ZMIZ2: variants seen among roughly 807,000 people sequenced by gnomAD.
ZMIZ2 encodes the protein zinc finger MIZ-type containing 2.
A neutral mutation model predicts 93.9 loss-of-function variants in ZMIZ2; 26 were observed. The observed-to-expected ratio is 0.28, with a 90% confidence interval of 0.20 to 0.38. The LOEUF is 0.38. ZMIZ2 is among the 10% of genes least tolerant of loss of function. The probability of loss-of-function intolerance (pLI) is 1.00; values close to 1 mark genes in which losing one functional copy is unlikely to be tolerated. For synonymous variants in ZMIZ2, 485 were observed against 516.4 expected (o/e 0.94, Z 0.82); for missense variants, 1,023 against 1,235.0 (o/e 0.83, Z 2.57).
At chr7:44,762,620 TA>T (rs963469402) in intron 11 of ZMIZ2, among the ~76,000 whole-genome samples, 1 of 152,196 alleles carries the variant, frequency 6.6e-6, no homozygotes, top group Non-Finnish European at 1.5e-5. Context: ...AGGCAATGGT[TA>T]GACCGGCAGG....
Position 44,766,647 on chromosome 7 carries a change from C to T in ZMIZ2, c.2639C>T (p.Pro880Leu). 1 of 1,613,106 alleles carries T rather than the reference C, an allele frequency of 6.2e-7. No homozygotes were observed. Among genetic ancestry groups the T allele is most frequent in the East Asian group, 2.2e-5 (1 of 44,884 alleles). Residue 880 changes from proline to leucine, a missense_variant, in exon 18 of 19, where the codon CCA (proline) becomes CTA (leucine). By Grantham distance (98) the Pro-to-Leu change is moderately conservative. Transcript: ENST00000309315. This position sits in a 1 kb window ranked among gnomAD's most constrained non-coding sequence, Gnocchi z 4.4. ...AGCATGTCTGGAGCCGGGGAGGCCC[C>T]AGAACCAGCTCTGGACGTGAGTACC... ...PPSMSGAGEAPEPALDLLPEL... is the reference protein window; with the variant it reads ...PPSMSGAGEALEPALDLLPEL...
chr7:44,756,214 A>C lies in ZMIZ2; in HGVS notation c.-36A>C. On this transcript the variant is annotated 5_prime_UTR_variant, in exon 2 of 19. Transcript: ENST00000309315. The stretch of plus-strand genomic sequence containing the variant: ...CAGAGCAGCTGAGTTCCAGATAAAA[A>C]CTGTCAGACCCGGCCTGTAGGCTGC... 3.7e-6 allele frequency: 6 copies of C among 1,613,870 alleles called. No homozygotes were observed. The highest frequency in any genetic ancestry group is 5.1e-6 in the Non-Finnish European group (6 of 1,179,964).
chr7:44,764,657 A>G (rs1162623877), intron 14 of ZMIZ2, among the ~76,000 whole-genome samples, 171 bp downstream of exon 14: 1 of 152,230 alleles, frequency 6.6e-6, no homozygotes, highest in Non-Finnish European at 1.5e-5. Flanking sequence ...GGCCTTATGC[A>G]GGGTCATCTC....
chr7:44,764,881 C>T, intron 14 of ZMIZ2, 60 bp from the exon 15 acceptor site: 2 of 1,571,800 alleles, frequency 1.3e-6, no homozygotes, highest in South Asian at 2.2e-5. Flanking sequence ...AATGACAGGG[C>T]CTGTGCCCAG....
intron 1 of ZMIZ2, among the ~76,000 whole-genome samples, chr7:44,755,081 C>T (rs1002956423): frequency 6.6e-5 from 10 of 152,144 alleles, no homozygotes; most frequent in African/African-American, 1.4e-4. Flanking sequence ...TGGTCACTTC[C>T]GTGGCTTATT....
At chr7:44,762,090 T>C (rs1791253920) in intron 11 of ZMIZ2, among the ~76,000 whole-genome samples, 185 bp downstream of exon 11, 1 of 152,124 alleles carries the variant, frequency 6.6e-6, no homozygotes, top group Non-Finnish European at 1.5e-5. Context: ...CCGTCTGCTG[T>C]TTTGCTGTCC....
intron 1 of ZMIZ2, among the ~76,000 whole-genome samples, chr7:44,752,193 G>A (rs918133433): frequency 6.7e-6 from 1 of 149,868 alleles, no homozygotes; most frequent in Non-Finnish European, 1.5e-5. Flanking sequence ...GCAATGGTGC[G>A]ATCGGCTCAC....
At chr7:44,757,759 C>A in intron 5 of ZMIZ2, 89 bp from the exon 6 acceptor site, 1 of 1,474,058 alleles carries the variant, frequency 6.8e-7, no homozygotes, top group Non-Finnish European at 9.0e-7. Context: ...GGTATGGTGC[C>A]CACATGGGTG....
chr7:44,749,528 C>T (rs1316912497), intron 1 of ZMIZ2, among the ~76,000 whole-genome samples: 1 of 152,174 alleles, frequency 6.6e-6, no homozygotes, highest in African/African-American at 2.4e-5. Context: ...GCGGCCAGCC[C>T]CCAGCTGCCA....
intron 5 of ZMIZ2, 61 bp downstream of exon 5, chr7:44,757,622 C>G (rs1790723608): frequency 6.6e-7 from 1 of 1,519,166 alleles, no homozygotes; most frequent in African/African-American, 1.4e-5. Flanking sequence ...GGAGGAGGTA[C>G]TCAGCCAGAC....
chr7:44,753,760 G>A (rs1014787444), intron 1 of ZMIZ2, among the ~76,000 whole-genome samples: 7 of 152,192 alleles, frequency 4.6e-5, no homozygotes, highest in African/African-American at 1.7e-4. Flanking sequence ...AGATCACAAA[G>A]ATTTTCTCCT....
At chr7:44,754,557 G>A (rs1446672030) in intron 1 of ZMIZ2, among the ~76,000 whole-genome samples, 4 of 152,174 alleles carry the variant, frequency 2.6e-5, no homozygotes, top group Admixed American at 2.6e-4. Context: ...TGGGGCCCTG[G>A]GCACACAGCT....
intron 18 of ZMIZ2, 146 bp from the exon 19 acceptor site, chr7:44,767,370 G>C: frequency 1.4e-6 from 1 of 725,438 alleles, no homozygotes; most frequent in Non-Finnish European, 2.3e-6. Flanking sequence ...CTATGGTGGG[G>C]CCCCGCACCC....
Position 44,765,923 on chromosome 7 carries a change from G to T in ZMIZ2, c.2243-241G>T. ...CCTCACACGCGTGGTGCGTTTGTTT[G>T]TGGCTGCTCCCATTCCTATAACCTC... On this transcript the variant is annotated intron_variant, in intron 16 of 18. Transcript: ENST00000309315. This position sits in a 1 kb window ranked among gnomAD's most constrained non-coding sequence, Gnocchi z 4.1. 1.4e-6 allele frequency: 2 copies of T among 1,397,236 alleles called. No individual in the cohort carries two copies. The highest frequency in any genetic ancestry group is 9.3e-7 in the Non-Finnish European group (1 of 1,080,974). 86.6% of individuals were successfully genotyped at this position (1,397,236 alleles called of 1,614,324 possible). A position where few individuals can be genotyped will look rare whatever the true frequency, so the allele number is the denominator to read the frequency against.
At chr7:44,757,733 G>A (rs1790737839) in intron 5 of ZMIZ2, 115 bp from the exon 6 acceptor site, 1 of 1,460,886 alleles carries the variant, frequency 6.8e-7, no homozygotes, top group Non-Finnish European at 9.1e-7. Flanking sequence ...GAGGTTTCTG[G>A]GGTGTCCTGT....
rs1336822758 is a variant in ZMIZ2 at position 44,760,144 on chromosome 7, C to T, written c.994-7C>T. On this transcript the variant is annotated splice_polypyrimidine_tract_variant and splice_region_variant and intron_variant, in intron 7 of 18. Coordinates refer to ENST00000309315, the MANE Select transcript of ZMIZ2 (RefSeq NM_031449.4). ...GCCCCAGGTGCATGCAGTTTTCTCT[C>T]CCGCAGCCCACAGAGCAGTTCAACG... 1.1e-5 allele frequency: 18 copies of T among 1,613,934 alleles called. No individual in the cohort carries two copies. Among genetic ancestry groups the T allele is most frequent in the Non-Finnish European group, 1.5e-5 (18 of 1,179,974 alleles).
intron 18 of ZMIZ2, among the ~76,000 whole-genome samples, chr7:44,767,272 A>G (rs1402738827): frequency 4.6e-5 from 7 of 152,112 alleles, no homozygotes; most frequent in Admixed American, 4.6e-4. Context: ...GTGGTATTGA[A>G]CAGCATGTTG....
Position 44,763,482 on chromosome 7 carries a change from G to A in ZMIZ2, c.1860+69G>A. 1.9e-6 allele frequency: 3 copies of A among 1,585,156 alleles called. No homozygotes were observed. Among genetic ancestry groups the A allele is most frequent in the Non-Finnish European group, 2.6e-6 (3 of 1,162,578 alleles). On this transcript the variant is annotated intron_variant, in intron 13 of 18. Transcript: ENST00000309315. This position sits in a 1 kb window ranked among gnomAD's most constrained non-coding sequence, Gnocchi z 5.6. ...AAATATCTTGAGTCGATACATCAGT[G>A]TCATTCTCTGGACAGACGTGAACTC...
chr7:44,756,535 G>A lies in ZMIZ2; in HGVS notation c.161G>A (p.Ser54Asn), dbSNP rs905642358. Reference protein sequence around the residue: ...TVWGVGNATQSQVLGNPMGPA... With the variant: ...TVWGVGNATQNQVLGNPMGPA... ...TGGGGAGTTGGCAACGCGACACAGA[G>A]CCAGGTAAGCACCCACTGGTGCCCC... Residue 54 changes from serine to asparagine, a missense_variant, in exon 3 of 19, where the codon AGC becomes AAC. Transcript: ENST00000309315. 8 of 1,613,976 alleles carry A rather than the reference G, an allele frequency of 5.0e-6. No individual in the cohort carries two copies. Among genetic ancestry groups the A allele is most frequent in the Non-Finnish European group, 6.8e-6 (8 of 1,180,006 alleles).
Sources: allele counts gnomAD v4.1 joint callset (sites outside exome capture counted in the v4.1 genomes callset), GRCh38; gene constraint gnomAD v4.1.1; non-coding constraint Gnocchi (gnomAD v3.1); transcripts MANE v1.5; gene names NCBI Gene and HGNC (gene_info 2026-07-23, HGNC 2026-07-21).